The following CBL variants were observed in gnomAD, a reference collection of about 807,000 sequenced individuals.
CBL encodes the protein E3 ubiquitin-protein ligase CBL.
In CBL, 45 loss-of-function variants were observed where a neutral mutation model predicts 96.9. The ratio of observed to expected loss-of-function variants is 0.46; its 90% CI spans 0.37 to 0.60. The LOEUF is 0.60. CBL is among the 20% of genes least tolerant of loss of function. The pLI, the probability that CBL is intolerant of heterozygous loss-of-function variation, is 0.00. For synonymous variants in CBL, 420 were observed against 426.8 expected (o/e 0.98, Z 0.20); for missense variants, 1,024 against 1,143.5 (o/e 0.90, Z 1.51).
intron 2 of CBL, among the ~76,000 whole-genome samples, chr11:119,245,140 G>A (rs999944759): frequency 3.8e-4 from 57 of 151,248 alleles, no homozygotes; most frequent in African/African-American, 1.3e-3. Flanking sequence ...CGAAAGTGCT[G>A]GGATTACAGG....
intron 9 of CBL, among the ~76,000 whole-genome samples, chr11:119,281,739 C>T (rs11217228): frequency 0.031 from 4,733 of 151,966 alleles, 260 homozygotes; most frequent in African/African-American, 0.11. Flanking sequence ...CCTTGTGATC[C>T]GCCTGCCTCG....
intron 1 of CBL, among the ~76,000 whole-genome samples, chr11:119,221,903 C>T (rs1222380053): frequency 2.0e-5 from 3 of 152,068 alleles, no homozygotes; most frequent in Admixed American, 6.6e-5. Flanking sequence ...TACAGAGACC[C>T]GGAAGGGCAA....
intron 1 of CBL, among the ~76,000 whole-genome samples, chr11:119,207,562 C>T (rs560027074): frequency 2.2e-4 from 33 of 152,288 alleles, no homozygotes; most frequent in Non-Finnish European, 4.0e-4. Context: ...TATTTAGCCA[C>T]TAAGTTTGTC....
At chr11:119,250,958 A>T (rs1042799597) in intron 2 of CBL, among the ~76,000 whole-genome samples, 3 of 152,178 alleles carry the variant, frequency 2.0e-5, no homozygotes, top group Admixed American at 1.3e-4. Flanking sequence ...CTCAAAAATA[A>T]AAAAATATTT....
Position 119,273,859 on chromosome 11 carries a change from C to A in CBL, c.591-9C>A, listed in dbSNP as rs747041808. The A allele has an allele frequency of 5.6e-6, 9 of 1,613,012 alleles. No homozygotes were observed. In the Admixed American group the frequency reaches 6.7e-5, roughly 12 times the overall value. ...TTCACTTTATGCCTCCTCTCCACCC[C>A]CTCCCCAGGACAATAGTCCCTTGGA... On this transcript the variant is annotated splice_polypyrimidine_tract_variant and intron_variant, in intron 3 of 15. Coordinates refer to ENST00000264033, the MANE Select transcript of CBL (RefSeq NM_005188.4).
intron 1 of CBL, among the ~76,000 whole-genome samples, chr11:119,208,300 G>C (rs1472398330): frequency 1.3e-5 from 2 of 151,984 alleles, no homozygotes; most frequent in Non-Finnish European, 2.9e-5. Context: ...TCTCGTATCA[G>C]ACATGTGGGT....
intron 2 of CBL, among the ~76,000 whole-genome samples, chr11:119,238,763 G>A (rs907588504): frequency 2.6e-5 from 4 of 152,114 alleles, no homozygotes; most frequent in South Asian, 2.1e-4. Flanking sequence ...CCCAGGAGGC[G>A]GAGGATGCAG....
intron 3 of CBL, among the ~76,000 whole-genome samples, chr11:119,272,368 C>T (rs968192324): frequency 5.3e-5 from 8 of 152,308 alleles, no homozygotes; most frequent in African/African-American, 1.9e-4. Flanking sequence ...GATCCACCTG[C>T]TTCGGCATCC....
At chr11:119,269,813 G>A (rs1015588021) in intron 2 of CBL, among the ~76,000 whole-genome samples, 1 of 152,058 alleles carries the variant, frequency 6.6e-6, no homozygotes, top group Non-Finnish European at 1.5e-5. Flanking sequence ...GGCTAACACG[G>A]TGAAACCCCA....
chr11:119,281,749 G>A (rs981377489), intron 9 of CBL, among the ~76,000 whole-genome samples: 5 of 151,740 alleles, frequency 3.3e-5, no homozygotes, highest in African/African-American at 7.3e-5. Flanking sequence ...CGCCTGCCTC[G>A]GCCTCCCACA....
At chr11:119,296,066 A>C (rs975546246) in intron 12 of CBL, among the ~76,000 whole-genome samples, 1 of 152,194 alleles carries the variant, frequency 6.6e-6, no homozygotes, top group Non-Finnish European at 1.5e-5. Context: ...GGGGACTTCT[A>C]TGTTCTGTGT....
intron 2 of CBL, among the ~76,000 whole-genome samples, chr11:119,235,412 A>G (rs976679003): frequency 1.3e-5 from 2 of 152,194 alleles, no homozygotes; most frequent in Admixed American, 6.5e-5. Context: ...TGCTAGAGAA[A>G]AGAAAATGTT....
chr11:119,286,420 G>A (rs1592406109), intron 11 of CBL, among the ~76,000 whole-genome samples: 1 of 152,176 alleles, frequency 6.6e-6, no homozygotes, highest in Non-Finnish European at 1.5e-5. Flanking sequence ...AGAGAAATAA[G>A]AGGTTATTCC....
chr11:119,269,584 G>A (rs1260472982), intron 2 of CBL, among the ~76,000 whole-genome samples: 1 of 152,136 alleles, frequency 6.6e-6, no homozygotes, highest in African/African-American at 2.4e-5. Context: ...TTTTATCCAC[G>A]AAAGACAAAG....
chr11:119,303,489 C>T lies in CBL; in HGVS notation c.*3708C>T, dbSNP rs1472203469. 5 of 233,542 alleles carry T rather than the reference C, an allele frequency of 2.1e-5. No homozygotes were observed. Among genetic ancestry groups the T allele is most frequent in the Non-Finnish European group, 3.4e-5 (4 of 118,016 alleles). 14.5% of individuals were successfully genotyped at this position (233,542 alleles called of 1,614,324 possible). ...GGGGATTGTACTTGGACTGTCATAG[C>T]CTCTGCGTTTGACCTTAAAATAGCT... On this transcript the variant is annotated 3_prime_UTR_variant, in exon 16 of 16. Coordinates refer to ENST00000264033, the MANE Select transcript of CBL (RefSeq NM_005188.4).
At chr11:119,266,895 G>C (rs577967272) in intron 2 of CBL, among the ~76,000 whole-genome samples, 2 of 152,312 alleles carry the variant, frequency 1.3e-5, no homozygotes, top group East Asian at 3.9e-4. Context: ...ACAAAAAGTT[G>C]AACAGTTGTG....
chr11:119,216,833 T>G (rs551863421), intron 1 of CBL, among the ~76,000 whole-genome samples: 1 of 152,274 alleles, frequency 6.6e-6, no homozygotes, highest in East Asian at 1.9e-4. Context: ...GTGTGTAGTT[T>G]GGGGTCCATT....
chr11:119,264,423 C>CTTCTCTTCTCTTCTCTTCTCTTCTT (rs1565868309), intron 2 of CBL, among the ~76,000 whole-genome samples: 1 of 126,376 alleles, frequency 7.9e-6, no homozygotes, highest in Non-Finnish European at 1.7e-5. Context: ...CTTCTCTTCT[C>CTTCTCTTCTCTTCTCTTCTCTTCTT]TTCTCTTCTC....
chr11:119,268,832 T>A (rs537295461), intron 2 of CBL, among the ~76,000 whole-genome samples: 3 of 152,236 alleles, frequency 2.0e-5, no homozygotes, highest in Non-Finnish European at 4.4e-5. Context: ...CCTGTTTGCT[T>A]CAGAAAGAGC....
Sources: allele counts gnomAD v4.1 joint callset (sites outside exome capture counted in the v4.1 genomes callset), GRCh38; gene constraint gnomAD v4.1.1; transcripts MANE v1.5; gene names NCBI Gene and HGNC (gene_info 2026-07-23, HGNC 2026-07-21).